SLCO3A1: variants seen among roughly 807,000 people sequenced by gnomAD.
SLCO3A1 encodes solute carrier organic anion transporter family member 3A1, also known as PGE1 transporter.
In SLCO3A1, 27 loss-of-function variants were observed where a neutral mutation model predicts 63.1. The ratio of observed to expected loss-of-function variants is 0.43; its 90% confidence interval spans 0.32 to 0.59. SLCO3A1 has a LOEUF of 0.59. Ranked by LOEUF, SLCO3A1 falls within the 20% of genes least tolerant of loss-of-function variation. SLCO3A1 has a pLI of 0.09. For missense variants in SLCO3A1, 773 were observed against 945.8 expected, an observed-to-expected ratio of 0.82 and a Z score of 2.40; for synonymous variants, 473 against 409.9, an observed-to-expected ratio of 1.15 and a Z score of -1.86.
intron 3 of SLCO3A1, among the ~76,000 whole-genome samples, chr15:92,102,579 G>A (rs1200769209): frequency 4.3e-5 from 3 of 69,524 alleles, no homozygotes; most frequent in South Asian, 4.6e-4. Context: ...GCTGGGATTC[G>A]GCCCCCAAGT....
Position 92,162,847 on chromosome 15 carries a change from C to T in SLCO3A1, c.1845C>T (p.Val615=). The T allele has an allele frequency of 1.9e-6, 3 of 1,614,218 alleles. No homozygotes were observed. Among genetic ancestry groups the T allele is most frequent in the Non-Finnish European group, 2.5e-6 (3 of 1,180,040 alleles). The part of the protein sequence containing the change: ...STFCGEQGAC[V]LYDNVVYRYL... Reference sequence around the variant, plus strand: ...TCTGTGGGGAGCAAGGCGCCTGCGTCCTCTACGACAATGTGGTCTACCGAT... The same window carrying T: ...TCTGTGGGGAGCAAGGCGCCTGCGTTCTCTACGACAATGTGGTCTACCGAT... The change falls in exon 10 of 10, where the codon GTC becomes GTT. Residue 615 remains valine (V), a synonymous_variant. Transcript: ENST00000318445.
At chr15:92,077,816 G>C (rs1442072390) in intron 2 of SLCO3A1, among the ~76,000 whole-genome samples, 3 of 152,198 alleles carry the variant, frequency 2.0e-5, no homozygotes, top group Non-Finnish European at 2.9e-5. Flanking sequence ...TCTAAAATTA[G>C]CTTAGAGTTA....
rs1474272115 is a variant in SLCO3A1 at position 92,165,204 on chromosome 15, A to G, written c.*2069A>G. 2.2e-5 allele frequency: 22 copies of G among 985,312 alleles called. No homozygotes were observed. Among genetic ancestry groups the G allele is most frequent in the Non-Finnish European group, 2.7e-5 (22 of 829,946 alleles). The allele number at this position is 985,312 out of a possible 1,614,324, so 61.0% of individuals were successfully genotyped here. On this transcript the variant is annotated 3_prime_UTR_variant, in exon 10 of 10. Transcript: ENST00000318445. ...GCCACCGTGATCAGCTACCTGGGGC[A>G]GGATGCTTCTGAGACAGGCCTTTCA... is the stretch of plus-strand genomic sequence containing the variant.
chr15:92,040,109 A>G (rs2046779569), intron 2 of SLCO3A1, among the ~76,000 whole-genome samples: 1 of 152,160 alleles, frequency 6.6e-6, no homozygotes, highest in South Asian at 2.1e-4. Context: ...TGGGGCTTAA[A>G]ACCTAGATGA....
chr15:92,009,857 G>A (rs2046350470), intron 2 of SLCO3A1, among the ~76,000 whole-genome samples: 1 of 152,224 alleles, frequency 6.6e-6, no homozygotes, highest in South Asian at 2.1e-4. Flanking sequence ...GTTCAGATGG[G>A]CAGGCGATGT....
chr15:92,051,255 A>T (rs1054610514), intron 2 of SLCO3A1, among the ~76,000 whole-genome samples: 1 of 152,170 alleles, frequency 6.6e-6, no homozygotes, highest in African/African-American at 2.4e-5. Flanking sequence ...TGCCAGGTCA[A>T]GAGGTGGATG....
chr15:92,022,575 A>T (rs188297579), intron 2 of SLCO3A1, among the ~76,000 whole-genome samples: 1 of 152,286 alleles, frequency 6.6e-6, no homozygotes. Context: ...AAGCTAAATA[A>T]ATTTGTTATT....
chr15:92,054,707 T>C (rs2047001466), intron 2 of SLCO3A1, among the ~76,000 whole-genome samples: 1 of 151,212 alleles, frequency 6.6e-6, no homozygotes, highest in Non-Finnish European at 1.5e-5. Context: ...TGGTATTTGG[T>C]TTTCTGTTCC....
chr15:92,064,207 C>T (rs778505924), intron 2 of SLCO3A1, among the ~76,000 whole-genome samples: 4 of 152,240 alleles, frequency 2.6e-5, no homozygotes, highest in Non-Finnish European at 4.4e-5. Flanking sequence ...CTCCCCTTCT[C>T]GCCTGCTGAA....
intron 3 of SLCO3A1, among the ~76,000 whole-genome samples, chr15:92,098,532 A>G (rs1405618630): frequency 6.6e-6 from 1 of 152,230 alleles, no homozygotes; most frequent in Non-Finnish European, 1.5e-5. Flanking sequence ...CGGACTTAGT[A>G]GCAGAGTACA....
At chr15:92,002,829 C>A (rs2046270958) in intron 2 of SLCO3A1, among the ~76,000 whole-genome samples, 1 of 152,086 alleles carries the variant, frequency 6.6e-6, no homozygotes, top group African/African-American at 2.4e-5. Flanking sequence ...ACAAGGGATA[C>A]CTATGCTGAT....
intron 2 of SLCO3A1, among the ~76,000 whole-genome samples, chr15:91,980,888 C>T (rs1050625380): frequency 6.6e-6 from 1 of 152,192 alleles, no homozygotes; most frequent in Admixed American, 6.5e-5. Flanking sequence ...GAGGTGCTTC[C>T]CTTGGCCTTG....
Position 92,143,429 on chromosome 15 carries a change from TA to T in SLCO3A1, c.1513-3553del, listed in dbSNP as rs376971071. Among the ~76,000 whole-genome samples, 18 of 2,042 alleles carry T rather than the reference TA, an allele frequency of 8.8e-3. 9 individuals carry two copies. Among genetic ancestry groups the T allele is most frequent in the African/African-American group, 0.068 (16 of 236 alleles). 1.3% of individuals were successfully genotyped at this position (2,042 alleles called of 152,430 possible). A position where few individuals can be genotyped will look rare whatever the true frequency, so the allele number is the denominator to read the frequency against. ...ATATAATATATATATTATATATATA[TA>T]ATATATATAATATATATATAATATA... On this transcript the variant is annotated intron_variant, in intron 7 of 9. Transcript: ENST00000318445.
At chr15:92,017,412 T>C (rs2046451527) in intron 2 of SLCO3A1, among the ~76,000 whole-genome samples, 1 of 152,088 alleles carries the variant, frequency 6.6e-6, no homozygotes, top group Non-Finnish European at 1.5e-5. Context: ...GGGAAGGACC[T>C]AGTGTTGAAC....
chr15:92,147,908 G>C (rs751547251), intron 8 of SLCO3A1, among the ~76,000 whole-genome samples: 15 of 152,184 alleles, frequency 9.9e-5, no homozygotes, highest in Non-Finnish European at 2.1e-4. Flanking sequence ...CTGAATCAGG[G>C]GAAGGTACTC....
At chr15:92,092,633 G>A (rs566054094) in intron 2 of SLCO3A1, among the ~76,000 whole-genome samples, 12 of 152,142 alleles carry the variant, frequency 7.9e-5, no homozygotes, top group South Asian at 6.2e-4. Context: ...CTTCTGACTC[G>A]GACAACTGTT....
At position 91,989,476 on chromosome 15, in the gene SLCO3A1, T is replaced by C. The variant is rs114500388; in HGVS notation, c.646+73018T>C. The stretch of plus-strand genomic sequence containing the variant: ...TGGATTGCGTGATTGAATGATTTAG[T>C]AAAAAACATTCCAGATCTCTCAGTC... On this transcript the variant is annotated intron_variant, in intron 2 of 9. Coordinates refer to ENST00000318445, the MANE Select transcript of SLCO3A1 (RefSeq NM_013272.4). Among the ~76,000 whole-genome samples, 1,072 of 152,264 alleles carry C rather than the reference T, an allele frequency of 7.0e-3. 22 individuals are homozygous for C. The highest frequency in any genetic ancestry group is 0.025 in the African/African-American group (1,021 of 41,554).
chr15:91,910,117 T>C (rs548674576), intron 1 of SLCO3A1, among the ~76,000 whole-genome samples: 4 of 152,308 alleles, frequency 2.6e-5, no homozygotes, highest in Admixed American at 2.6e-4. Context: ...TCCATATTCC[T>C]GCCTTTCCCC....
rs1181891420 is a variant in SLCO3A1, at chr15:91,865,322, A to G, written c.180+11234A>G. On this transcript the variant is annotated intron_variant, in intron 1 of 9. Transcript: ENST00000318445. This position sits in a 1 kb window ranked among gnomAD's most constrained non-coding sequence, Gnocchi z 4.6. ...TGCTAGACCAAAATTGGGTCATATT[A>G]TAAGTGAGAAAGTGACTTTCACAGT... 1.3e-5 allele frequency among the ~76,000 whole-genome samples: 2 copies of G among 152,236 alleles called. No individual in the cohort carries two copies. Among genetic ancestry groups the G allele is most frequent in the African/African-American group, 4.8e-5 (2 of 41,462 alleles).
Sources: gnomAD v4.1 joint callset for allele counts (sites outside exome capture counted in the v4.1 genomes callset) on GRCh38, gnomAD v4.1.1 for gene constraint, Gnocchi (gnomAD v3.1) non-coding constraint, MANE v1.5 for transcripts, NCBI Gene and HGNC (gene_info 2026-07-23, HGNC 2026-07-21) for gene names.